The following RALGPS1 variants were observed in gnomAD, a reference collection of about 807,000 sequenced individuals.
The protein encoded by RALGPS1 is Ral GEF with PH domain and SH3 binding motif 1.
Under a neutral mutation model 78.8 loss-of-function variants are expected in RALGPS1, and 19 were observed. The ratio of observed to expected loss-of-function variants is 0.24; its 90% CI spans 0.17 to 0.35. RALGPS1 has a LOEUF of 0.35. Ranked by LOEUF, RALGPS1 falls within the 10% of genes least tolerant of loss-of-function variation. The pLI is 1.00. For synonymous variants in RALGPS1, 228 were observed against 256.3 expected, an observed-to-expected ratio of 0.89 and a Z score of 1.06; for missense variants, 454 against 688.3, an observed-to-expected ratio of 0.66 and a Z score of 3.81.
At position 127,211,746 on chromosome 9, in the gene RALGPS1, GA is replaced by G. The variant is rs1441383360; in HGVS notation, c.1248-384del. On this transcript the variant is annotated intron_variant, in intron 14 of 18. Transcript: ENST00000259351. The surrounding 1 kb of genome is among the most constrained non-coding windows in gnomAD (Gnocchi z 5.0). ...CTGAGGCTCCTGCCAACACCAGAAG[GA>G]GGGGCTGCTGGAGCTGGGGCTTCAC... is the stretch of plus-strand genomic sequence containing the variant. Among the ~76,000 whole-genome samples the G allele has an allele frequency of 1.3e-5, 2 of 152,206 alleles. No homozygotes were observed. Among genetic ancestry groups the G allele is most frequent in the East Asian group, 3.9e-4 (2 of 5,190 alleles).
rs559106897 is a variant in RALGPS1, at chr9:127,052,836, C to CT, written c.391-4dup. The CT allele has an allele frequency of 7.1e-6, 11 of 1,557,568 alleles. No homozygotes were observed. The South Asian group carries it at 1.2e-4, about 17-fold the overall frequency. On this transcript the variant is annotated splice_polypyrimidine_tract_variant and intron_variant, in intron 6 of 18. Coordinates refer to ENST00000259351, the MANE Select transcript of RALGPS1 (RefSeq NM_014636.3). ...AGCAGCAAAATAATCTATTCCATAT[C>CT]TTTTTTTCAGAAACTTCTAGAACTC... is the stretch of plus-strand genomic sequence containing the variant.
At chr9:127,090,797 AGG>A (rs751972358) in intron 8 of RALGPS1, among the ~76,000 whole-genome samples, 1 of 152,182 alleles carries the variant, frequency 6.6e-6, no homozygotes, top group Admixed American at 6.5e-5. Context: ...AGCCTCAGGG[AGG>A]AGCATGGCAG....
chr9:126,939,333 A>G (rs1174664705), intron 1 of RALGPS1, among the ~76,000 whole-genome samples: 1 of 152,196 alleles, frequency 6.6e-6, no homozygotes, highest in Non-Finnish European at 1.5e-5. Flanking sequence ...GGAAGTATTC[A>G]TTCATTTTTA....
At chr9:127,179,044 A>G (rs2060055208) in intron 11 of RALGPS1, among the ~76,000 whole-genome samples, 1 of 152,202 alleles carries the variant, frequency 6.6e-6, no homozygotes, top group Non-Finnish European at 1.5e-5. Flanking sequence ...TCCTGTAGGC[A>G]CCTGGTCCTC....
At chr9:127,055,236 G>GTCTC (rs769013030) in intron 7 of RALGPS1, among the ~76,000 whole-genome samples, 1 of 144,288 alleles carries the variant, frequency 6.9e-6, no homozygotes, top group Admixed American at 7.0e-5. Flanking sequence ...CTGTCTGTCT[G>GTCTC]TCTGACAAGG....
intron 8 of RALGPS1, among the ~76,000 whole-genome samples, chr9:127,160,109 T>G (rs2058936600): frequency 6.6e-6 from 1 of 152,068 alleles, no homozygotes; most frequent in Non-Finnish European, 1.5e-5. Flanking sequence ...AAGGGAGCAG[T>G]GAGTCTCTGG....
chr9:127,178,011 A>G (rs1479300680), intron 11 of RALGPS1: 10 of 1,528,794 alleles, frequency 6.5e-6, no homozygotes, highest in Non-Finnish European at 7.9e-6. Flanking sequence ...CAGAACCAAT[A>G]AAGCATGGCG....
chr9:126,985,282 C>T (rs1050886367), intron 4 of RALGPS1, among the ~76,000 whole-genome samples: 5 of 152,112 alleles, frequency 3.3e-5, no homozygotes, highest in Non-Finnish European at 7.3e-5. Context: ...TGAACTGACC[C>T]GAAGTCTAGA....
chr9:127,199,634 AGCCTGTCT>A (rs1221961339), intron 14 of RALGPS1, among the ~76,000 whole-genome samples: 2 of 116,844 alleles, frequency 1.7e-5, no homozygotes, highest in Non-Finnish European at 3.8e-5. Context: ...TCCCTGGGAG[AGCCTGTCT>A]GCCAGGGCCC....
intron 11 of RALGPS1, among the ~76,000 whole-genome samples, chr9:127,187,240 G>A (rs1352098102): frequency 2.0e-5 from 3 of 152,200 alleles, no homozygotes; most frequent in Admixed American, 6.5e-5. Flanking sequence ...CTCAAGGGTA[G>A]TAACTGGGTC....
chr9:127,007,361 A>G (rs62580798), intron 4 of RALGPS1, among the ~76,000 whole-genome samples: 4,180 of 152,310 alleles, frequency 0.027, 51 homozygotes, highest in Middle Eastern at 0.048. Context: ...TAGGCACCAG[A>G]CACACATAGA....
intron 8 of RALGPS1, chr9:127,093,607 G>T: frequency 8.5e-7 from 1 of 1,177,030 alleles, no homozygotes; most frequent in Non-Finnish European, 1.2e-6. Context: ...GTGTTGTTGG[G>T]GCCGCACAGG....
chr9:127,027,653 C>T (rs1294755572), intron 4 of RALGPS1, among the ~76,000 whole-genome samples: 3 of 152,218 alleles, frequency 2.0e-5, no homozygotes, highest in Non-Finnish European at 2.9e-5. Flanking sequence ...AGACCAGATG[C>T]GTATTCTCCC....
intron 8 of RALGPS1, among the ~76,000 whole-genome samples, chr9:127,090,277 C>T (rs1002214011): frequency 1.3e-5 from 2 of 152,252 alleles, no homozygotes; most frequent in Non-Finnish European, 2.9e-5. Context: ...TCATAGAATA[C>T]ACTTTCCGCT....
intron 8 of RALGPS1, among the ~76,000 whole-genome samples, chr9:127,082,447 C>CTGT (rs1283192528): frequency 6.6e-6 from 1 of 152,150 alleles, no homozygotes; most frequent in African/African-American, 2.4e-5. Flanking sequence ...GCTGCTGCTG[C>CTGT]TGCATAGGCA....
intron 8 of RALGPS1, chr9:127,108,381 C>T (rs1589521475): frequency 2.5e-6 from 4 of 1,609,792 alleles, no homozygotes; most frequent in Non-Finnish European, 2.5e-6. Flanking sequence ...TCACCTCGCT[C>T]ACAATGCCGC....
In RALGPS1 at chr9:127,166,229, T is replaced by C. The variant is rs1231313647; in HGVS notation, c.748+23T>C. The C allele has an allele frequency of 2.5e-6, 4 of 1,610,050 alleles. 1 individual carries two copies. In the African/African-American group the frequency reaches 5.3e-5, roughly 22 times the overall value. On this transcript the variant is annotated intron_variant, in intron 9 of 18. Coordinates refer to ENST00000259351, the MANE Select transcript of RALGPS1 (RefSeq NM_014636.3). ...ATGGTTAGTACCCTTGTTGTTAGAA[T>C]TGTGAAATCTTACGTCATTGAAATT...
intron 4 of RALGPS1, among the ~76,000 whole-genome samples, chr9:127,031,526 A>G (rs1176483427): frequency 2.0e-5 from 3 of 152,200 alleles, no homozygotes; most frequent in African/African-American, 7.2e-5. Context: ...TGTGCCCCGC[A>G]TGTCACCTCC....
intron 8 of RALGPS1, among the ~76,000 whole-genome samples, chr9:127,109,730 G>C (rs1589531175): frequency 1.3e-5 from 2 of 152,352 alleles, no homozygotes; most frequent in African/African-American, 4.8e-5. Flanking sequence ...ACAGGATGGA[G>C]CCAGTCCCTG....
Sources: gnomAD v4.1 joint callset for allele counts (sites outside exome capture counted in the v4.1 genomes callset) on GRCh38, gnomAD v4.1.1 for gene constraint, Gnocchi (gnomAD v3.1) non-coding constraint, MANE v1.5 for transcripts, NCBI Gene and HGNC (gene_info 2026-07-23, HGNC 2026-07-21) for gene names.